The following ABHD15 variants were observed in gnomAD, a reference collection of about 807,000 sequenced individuals.
ABHD15 encodes protein ABHD15.
A neutral mutation model predicts 34.4 loss-of-function variants in ABHD15; 34 were observed. That is an observed-to-expected ratio of 0.99 (90% CI 0.75 to 1.32). The LOEUF (loss-of-function observed/expected upper bound fraction) is 1.32, where lower values mean the gene tolerates loss of function less well. ABHD15 is among the 40% of genes most tolerant of loss of function. ABHD15 has a pLI of 0.00. For missense variants in ABHD15, 644 were observed against 650.4 expected (o/e 0.99, Z 0.11); for synonymous variants, 314 against 299.2 (o/e 1.05, Z -0.51).
Position 29,562,334 on chromosome 17 carries a change from T to G in ABHD15, c.*227A>C. ...AACGCGCCGCTGCTGACCGGATGAG[T>G]AGGGATATGTTGAGCAGAGGCCAGG... is the stretch of plus-strand genomic sequence containing the variant. On this transcript the variant is annotated 3_prime_UTR_variant, in exon 2 of 2. Transcript: ENST00000307201. The G allele has an allele frequency of 6.6e-6, 3 of 456,354 alleles. No individual in the cohort carries two copies. Among genetic ancestry groups the G allele is most frequent in the Non-Finnish European group, 7.7e-6 (2 of 259,106 alleles). The allele number at this position is 456,354 out of a possible 1,614,324, so 28.3% of individuals were successfully genotyped here.
Position 29,566,993 on chromosome 17 carries a change from AGCGGGCG to A in ABHD15, c.-34_-28del. 7.8e-7 allele frequency: 1 copy of A among 1,287,570 alleles called. No individual in the cohort carries two copies. The highest frequency in any genetic ancestry group is 9.8e-7 in the Non-Finnish European group (1 of 1,022,700). The allele number at this position is 1,287,570 out of a possible 1,614,324, so 79.8% of individuals were successfully genotyped here. On this transcript the variant is annotated 5_prime_UTR_variant, in exon 1 of 2. Coordinates refer to ENST00000307201, the MANE Select transcript of ABHD15 (RefSeq NM_198147.3). ...GCGAAGCTGGAGAGCCCCGGCGGGCAGCGGGCGGCGGGGCCGTCTACTCGGCGAGCTC... is the reference window on the plus strand; with the variant it reads ...GCGAAGCTGGAGAGCCCCGGCGGGCAGCGGGGCCGTCTACTCGGCGAGCTC...
intron 1 of ABHD15, 79 bp from the exon 2 acceptor site, chr17:29,563,165 A>AAT (rs2032655504): frequency 1.3e-6 from 2 of 1,489,896 alleles, no homozygotes; most frequent in Non-Finnish European, 1.8e-6. Flanking sequence ...GATGAGACAG[A>AAT]CAGACAGCCC....
chr17:29,564,704 A>G (rs2032675889), intron 1 of ABHD15, among the ~76,000 whole-genome samples: 1 of 152,126 alleles, frequency 6.6e-6, no homozygotes, highest in Non-Finnish European at 1.5e-5. Context: ...AAATACAAAA[A>G]TTAACCGGGC....
In ABHD15 at chr17:29,567,000, G is replaced by T; in HGVS notation, c.-34C>A. ...TGGAGAGCCCCGGCGGGCAGCGGGC[G>T]GCGGGGCCGTCTACTCGGCGAGCTC... On this transcript the variant is annotated 5_prime_UTR_variant, in exon 1 of 2. Coordinates refer to ENST00000307201, the MANE Select transcript of ABHD15 (RefSeq NM_198147.3). The T allele has an allele frequency of 7.8e-7, 1 of 1,276,432 alleles. No individual in the cohort carries two copies. The highest frequency in any genetic ancestry group is 9.8e-7 in the Non-Finnish European group (1 of 1,016,090). 79.1% of individuals were successfully genotyped at this position (1,276,432 alleles called of 1,614,324 possible). A position where few individuals can be genotyped will look rare whatever the true frequency, so the allele number is the denominator to read the frequency against.
In ABHD15 at chr17:29,560,700, G is replaced by C. The variant is rs542399683; in HGVS notation, c.*1861C>G. 6.6e-6 allele frequency: 1 copy of C among 151,874 alleles called. No individual in the cohort carries two copies. The highest frequency in any genetic ancestry group is 1.5e-5 in the Non-Finnish European group (1 of 67,986). The allele number at this position is 151,874 out of a possible 1,614,324, so 9.4% of individuals were successfully genotyped here. The stretch of plus-strand genomic sequence containing the variant: ...AACACAGTCTTACTCTGTCGCCCAG[G>C]CTGGAGTGCAGTGGTGCGATCTCAG... On this transcript the variant is annotated 3_prime_UTR_variant, in exon 2 of 2. Coordinates refer to ENST00000307201, the MANE Select transcript of ABHD15 (RefSeq NM_198147.3).
chr17:29,564,711 G>A lies in ABHD15; in HGVS notation c.881+1375C>T, dbSNP rs11870973. On this transcript the variant is annotated intron_variant, in intron 1 of 1. Transcript: ENST00000307201. ...TTTATGAAAAATACAAAAATTAACC[G>A]GGCATGGTGGCATGTGCCTGTAGTC... Among the ~76,000 whole-genome samples the A allele has an allele frequency of 6.9e-3, 1,045 of 152,156 alleles. 14 individuals carry two copies. Among genetic ancestry groups the A allele is most frequent in the African/African-American group, 0.024 (991 of 41,488 alleles).
chr17:29,566,825 C>A lies in ABHD15; in HGVS notation c.142G>T (p.Glu48Ter). ...GCCGGGCCTCCGCCGTCCGCCTCCT[C>A]CCCGTCGTCTCGGTCTTGGGCCCCC... ...LPGAQDRDDG[E>*]EADGGGPADQ... Residue 48 changes from glutamate (E) to a stop codon, truncating the protein, a stop_gained, in exon 1 of 2, where the codon GAG becomes TAG. Transcript: ENST00000307201. LOFTEE classifies it high-confidence loss of function. The A allele has an allele frequency of 2.0e-6, 3 of 1,517,014 alleles. No homozygotes were observed. Among genetic ancestry groups the A allele is most frequent in the Non-Finnish European group, 2.6e-6 (3 of 1,140,380 alleles). The allele number at this position is 1,517,014 out of a possible 1,614,324, so 94.0% of individuals were successfully genotyped here.
Position 29,566,452 on chromosome 17 carries a change from C to T in ABHD15, c.515G>A (p.Arg172His), listed in dbSNP as rs769028784. Residue 172 changes from arginine to histidine, a missense_variant, in exon 1 of 2, where the codon CGC (arginine) becomes CAC (histidine). Physicochemically the swap from Arg to His is conservative, Grantham distance 29 (BLOSUM62 0). Transcript: ENST00000307201. ...GAGCAAGCAAAGGCCGAGCACGTTG[C>T]GGGTGAGGCGACCCCACGCATTGGG... ...VIPNAWGRLT[R>H]NVLGLCLLAL... The T allele has an allele frequency of 1.2e-6, 2 of 1,612,172 alleles. No homozygotes were observed. The highest frequency in any genetic ancestry group is 2.7e-5 in the African/African-American group (2 of 74,920).
chr17:29,560,980 G>C lies in ABHD15; in HGVS notation c.*1581C>G, dbSNP rs1001188507. ...GGAGGGAGATAATTTTTCACAACAA[G>C]ATAATGTCCCTTAGATTATCGAGTG... On this transcript the variant is annotated 3_prime_UTR_variant, in exon 2 of 2. Transcript: ENST00000307201. 6.6e-6 allele frequency: 1 copy of C among 152,152 alleles called. No individual in the cohort carries two copies. Among genetic ancestry groups the C allele is most frequent in the African/African-American group, 2.4e-5 (1 of 41,442 alleles). The allele number at this position is 152,152 out of a possible 1,614,324, so 9.4% of individuals were successfully genotyped here.
Position 29,567,011 on chromosome 17 carries a change from C to CT in ABHD15, c.-46dup. 1 of 1,264,336 alleles carries CT rather than the reference C, an allele frequency of 7.9e-7. No homozygotes were observed. Among genetic ancestry groups the CT allele is most frequent in the Non-Finnish European group, 9.9e-7 (1 of 1,008,712 alleles). 78.3% of individuals were successfully genotyped at this position (1,264,336 alleles called of 1,614,324 possible). A position where few individuals can be genotyped will look rare whatever the true frequency, so the allele number is the denominator to read the frequency against. On this transcript the variant is annotated 5_prime_UTR_variant, in exon 1 of 2. Coordinates refer to ENST00000307201, the MANE Select transcript of ABHD15 (RefSeq NM_198147.3). The surrounding 1 kb of genome is among the most constrained non-coding windows in gnomAD (Gnocchi z 6.6). Reference sequence around the variant, plus strand: ...GGCGGGCAGCGGGCGGCGGGGCCGTCTACTCGGCGAGCTCCGCGCTTTGCC... The same window carrying CT: ...GGCGGGCAGCGGGCGGCGGGGCCGTCTTACTCGGCGAGCTCCGCGCTTTGCC...
rs760494055 is a variant in ABHD15 at position 29,562,923 on chromosome 17, C to T, written c.1045G>A (p.Ala349Thr). 11 of 1,614,012 alleles carry T rather than the reference C, an allele frequency of 6.8e-6. No individual in the cohort carries two copies. The highest frequency in any genetic ancestry group is 1.3e-5 in the African/African-American group (1 of 74,922). The change falls in exon 2 of 2, where the codon GCC becomes ACC. Residue 349 changes from alanine to threonine, a missense_variant. Transcript: ENST00000307201. ...NDPLRDVDEA[A>T]VPVLCICSAD... ...CTGCAGATACACAGCACAGGCACGG[C>T]TGCCTCATCGACATCCCGGAGCGGG... is the stretch of plus-strand genomic sequence containing the variant.
chr17:29,561,355 A>G lies in ABHD15; in HGVS notation c.*1206T>C, dbSNP rs2032625843. ...CCAGAATATTTAGATCAACCTGTAT[A>G]CTATATATTATCTCTGATATACTAT... On this transcript the variant is annotated 3_prime_UTR_variant, in exon 2 of 2. Transcript: ENST00000307201. 1 of 152,240 alleles carries G rather than the reference A, an allele frequency of 6.6e-6. No individual in the cohort carries two copies. Among genetic ancestry groups the G allele is most frequent in the Non-Finnish European group, 1.5e-5 (1 of 68,044 alleles). 9.4% of individuals were successfully genotyped at this position (152,240 alleles called of 1,614,324 possible). A position where few individuals can be genotyped will look rare whatever the true frequency, so the allele number is the denominator to read the frequency against.
At position 29,566,445 on chromosome 17, in the gene ABHD15, C is replaced by G. The variant is rs2032713666; in HGVS notation, c.522G>C (p.Val174=). Residue 174 remains valine, a synonymous_variant, in exon 1 of 2, where the codon GTG becomes GTC. Coordinates refer to ENST00000307201, the MANE Select transcript of ABHD15 (RefSeq NM_198147.3). ...PNAWGRLTRN[V]LGLCLLALER... ...CCAGGGCGAGCAAGCAAAGGCCGAG[C>G]ACGTTGCGGGTGAGGCGACCCCACG... 6.2e-7 allele frequency: 1 copy of G among 1,612,474 alleles called. No individual in the cohort carries two copies. Among genetic ancestry groups the G allele is most frequent in the Non-Finnish European group, 8.5e-7 (1 of 1,179,808 alleles).
At position 29,562,440 on chromosome 17, in the gene ABHD15, G is replaced by A. The variant is rs1472134532; in HGVS notation, c.*121C>T. The A allele has an allele frequency of 1.8e-6, 2 of 1,116,024 alleles. No homozygotes were observed. The highest frequency in any genetic ancestry group is 2.5e-6 in the Non-Finnish European group (2 of 785,986). 69.1% of individuals were successfully genotyped at this position (1,116,024 alleles called of 1,614,324 possible). A position where few individuals can be genotyped will look rare whatever the true frequency, so the allele number is the denominator to read the frequency against. ...TCAAGGCACCAATTTAAGAGAGAGG[G>A]ACTGAATGAGGAGCACAGAGCTGGA... On this transcript the variant is annotated 3_prime_UTR_variant, in exon 2 of 2. Transcript: ENST00000307201.
At chr17:29,565,391 G>C (rs933741267) in intron 1 of ABHD15, among the ~76,000 whole-genome samples, 1 of 152,004 alleles carries the variant, frequency 6.6e-6, no homozygotes, top group African/African-American at 2.4e-5. Context: ...GCAGTGGCCT[G>C]ACCAGGGCTC....
At chr17:29,565,255 TAA>T (rs59668640) in intron 1 of ABHD15, among the ~76,000 whole-genome samples, 38 of 149,378 alleles carry the variant, frequency 2.5e-4, no homozygotes, top group Non-Finnish European at 5.1e-4. Context: ...TGAGACTGTC[TAA>T]AAAAAAAAAT....
chr17:29,566,875 C>A lies in ABHD15; in HGVS notation c.92G>T (p.Arg31Leu), dbSNP rs62070806. The change falls in exon 1 of 2, where the codon CGC (arginine) becomes CTC (leucine). Residue 31 changes from arginine (R) to leucine (L), a missense_variant. Transcript: ENST00000307201. ...CGGCAGGGTCCTCTCTCCGACGGCG[C>A]GCCCCCAGGGTCCCCGGAGCCGCGG... ...LGPRLRGPWG[R>L]AVGERTLPGA... 0.081 allele frequency: 122,345 copies of A among 1,501,634 alleles called. 5,755 individuals are homozygous for A. The highest frequency in any genetic ancestry group is 0.095 in the Non-Finnish European group (107,946 of 1,133,806). The allele number at this position is 1,501,634 out of a possible 1,614,324, so 93.0% of individuals were successfully genotyped here.
At position 29,566,803 on chromosome 17, in the gene ABHD15, G is replaced by C. The variant is rs1394844308; in HGVS notation, c.164C>G (p.Pro55Arg). 1.3e-6 allele frequency: 2 copies of C among 1,514,224 alleles called. No homozygotes were observed. The highest frequency in any genetic ancestry group is 2.0e-5 in the Admixed American group (1 of 49,330). The allele number at this position is 1,514,224 out of a possible 1,614,324, so 93.8% of individuals were successfully genotyped here. A position where few individuals can be genotyped will look rare whatever the true frequency, so the allele number is the denominator to read the frequency against. ...DDGEEADGGG[P>R]ADQFSDGREP... ...GCGCCCGTCGCTGAACTGGTCCGCC[G>C]GGCCTCCGCCGTCCGCCTCCTCCCC... The change falls in exon 1 of 2, where the codon CCG becomes CGG. Residue 55 changes from proline (P) to arginine (R), a missense_variant. Physicochemically the swap from Pro to Arg is moderately radical, Grantham distance 103 (BLOSUM62 -2). Transcript: ENST00000307201.
chr17:29,562,831 G>A lies in ABHD15; in HGVS notation c.1137C>T (p.Pro379=). 2 of 1,613,764 alleles carry A rather than the reference G, an allele frequency of 1.2e-6. No homozygotes were observed. The highest frequency in any genetic ancestry group is 1.7e-6 in the Non-Finnish European group (2 of 1,179,678). The change falls in exon 2 of 2, where the codon CCC becomes CCT. Residue 379 remains proline (P), a synonymous_variant. Transcript: ENST00000307201. The part of the protein sequence containing the change: ...TLTTELFHSN[P]YFFLLLSRHG... ...GGCGACTGAGCAGGAGGAAGAAGTA[G>A]GGGTTGCTGTGGAAGAGTTCAGTTG...
Sources: allele counts gnomAD v4.1 joint callset (sites outside exome capture counted in the v4.1 genomes callset), GRCh38; gene constraint gnomAD v4.1.1; non-coding constraint Gnocchi (gnomAD v3.1); transcripts MANE v1.5; gene names NCBI Gene and HGNC (gene_info 2026-07-23, HGNC 2026-07-21).